PKD2L2: variants seen among roughly 807,000 people sequenced by gnomAD.
PKD2L2 encodes polycystin 2 like 2, transient receptor potential cation channel, also known as polycystin-2-like protein 2.
A neutral mutation model predicts 83.9 loss-of-function variants in PKD2L2; 67 were observed. The observed-to-expected ratio is 0.80, with a 90% CI of 0.66 to 0.98. The LOEUF (loss-of-function observed/expected upper bound fraction) is 0.98. Ranked by LOEUF, PKD2L2 falls within the 50% of genes least tolerant of loss-of-function variation. The pLI, the probability that PKD2L2 is intolerant of heterozygous loss-of-function variation, is 0.00. For missense variants in PKD2L2, 632 were observed against 717.2 expected (o/e 0.88, Z 1.36); for synonymous variants, 223 against 237.8 (o/e 0.94, Z 0.57).
intron 2 of PKD2L2, among the ~76,000 whole-genome samples, chr5:137,892,126 T>C (rs1237363867): frequency 6.6e-6 from 1 of 152,252 alleles, no homozygotes; most frequent in Non-Finnish European, 1.5e-5. Flanking sequence ...TCTGTCTGAA[T>C]TCAAAGTCCA....
chr5:137,894,300 A>G (rs1756251695), intron 3 of PKD2L2, 53 bp from the exon 4 acceptor site: 1 of 1,464,590 alleles, frequency 6.8e-7, no homozygotes, highest in Admixed American at 2.0e-5. Flanking sequence ...ATGAATGTAG[A>G]TTCTGTTGAC....
At chr5:137,940,509 C>A in intron 14 of PKD2L2, 1 of 567,400 alleles carries the variant, frequency 1.8e-6, no homozygotes, top group South Asian at 2.5e-5. Flanking sequence ...TACCCTCATC[C>A]CCAAGGAACA....
intron 14 of PKD2L2, chr5:137,940,229 A>T: frequency 1.2e-6 from 2 of 1,614,036 alleles, no homozygotes; most frequent in East Asian, 4.5e-5. Context: ...CGTATCTTAT[A>T]TGGATTTTGA....
intron 9 of PKD2L2, among the ~76,000 whole-genome samples, chr5:137,923,157 A>T (rs906729394): frequency 1.3e-5 from 2 of 151,966 alleles, no homozygotes; most frequent in African/African-American, 4.8e-5. Context: ...CTGGGACTAC[A>T]GGTGTGCACC....
chr5:137,924,073 T>C (rs1246985273), intron 10 of PKD2L2, among the ~76,000 whole-genome samples: 1 of 152,192 alleles, frequency 6.6e-6, no homozygotes, highest in Non-Finnish European at 1.5e-5. Context: ...TGGAATACTT[T>C]AAATTCTAAC....
rs1760387402 is a variant in PKD2L2 at position 137,936,320 on chromosome 5, A to G, written c.1785A>G (p.Glu595=). Residue 595 remains glutamate (E), a splice_region_variant and synonymous_variant, in exon 14 of 15, where the codon GAA becomes GAG. Coordinates refer to ENST00000508883, the MANE Select transcript of PKD2L2 (RefSeq NM_001300921.2). ...CTCTACTTCCTTCGAAATTTTCTAG[A>G]CTTTTTTTATATGCTGTGGAGCTGG... ...YQPVTQEEFR[E]LFLYAVELEK... 17 of 1,530,074 alleles carry G rather than the reference A, an allele frequency of 1.1e-5. No homozygotes were observed. The highest frequency in any genetic ancestry group is 1.4e-5 in the Non-Finnish European group (16 of 1,141,508). 94.8% of individuals were successfully genotyped at this position (1,530,074 alleles called of 1,614,324 possible). A position where few individuals can be genotyped will look rare whatever the true frequency, so the allele number is the denominator to read the frequency against.
chr5:137,938,173 G>T, intron 14 of PKD2L2: 1 of 152,632 alleles, frequency 6.6e-6, no homozygotes. Context: ...CATAAGTGCT[G>T]CCATGCCACT....
chr5:137,908,315 C>T (rs1473283698), intron 7 of PKD2L2, among the ~76,000 whole-genome samples: 2 of 151,646 alleles, frequency 1.3e-5, no homozygotes, highest in Admixed American at 6.6e-5. Flanking sequence ...TGGCCAGGCA[C>T]GGTGGCTCAC....
chr5:137,929,401 C>T (rs1359591293), intron 12 of PKD2L2, among the ~76,000 whole-genome samples: 9 of 150,506 alleles, frequency 6.0e-5, no homozygotes, highest in Non-Finnish European at 3.0e-5. Flanking sequence ...GCGGAGGTTG[C>T]GGTGAGCCGA....
At chr5:137,923,103 C>T (rs1316417580) in intron 9 of PKD2L2, among the ~76,000 whole-genome samples, 3 of 151,758 alleles carry the variant, frequency 2.0e-5, no homozygotes, top group African/African-American at 7.3e-5. Context: ...GCAACCTCCA[C>T]CTCCTGGGTT....
chr5:137,916,126 T>C (rs984633601), intron 8 of PKD2L2, among the ~76,000 whole-genome samples: 1 of 151,900 alleles, frequency 6.6e-6, no homozygotes, highest in African/African-American at 2.4e-5. Context: ...CACCTTGGCG[T>C]CCCAAAGTGC....
intron 4 of PKD2L2, among the ~76,000 whole-genome samples, chr5:137,898,453 CA>C (rs1756672796): frequency 6.6e-6 from 1 of 152,106 alleles, no homozygotes; most frequent in South Asian, 2.1e-4. Context: ...TTGTCCTACT[CA>C]AAAACTAAAT....
Position 137,942,425 on chromosome 5 carries a change from C to T in PKD2L2, c.*59C>T, listed in dbSNP as rs1460260412. The stretch of plus-strand genomic sequence containing the variant: ...TGTCGCCCAGGCTGGAACAGCGGTG[C>T]GACAGTGGCCTCAACATCCTCCAAA... On this transcript the variant is annotated 3_prime_UTR_variant, in exon 15 of 15. Coordinates refer to ENST00000508883, the MANE Select transcript of PKD2L2 (RefSeq NM_001300921.2). The T allele has an allele frequency of 1.4e-5, 3 of 222,088 alleles. No homozygotes were observed. The highest frequency in any genetic ancestry group is 1.1e-4 in the East Asian group (1 of 8,930). The allele number at this position is 222,088 out of a possible 1,614,324, so 13.8% of individuals were successfully genotyped here.
chr5:137,904,287 G>C (rs1757192067), intron 5 of PKD2L2, among the ~76,000 whole-genome samples: 1 of 152,170 alleles, frequency 6.6e-6, no homozygotes, highest in Admixed American at 6.5e-5. Flanking sequence ...TACCATGATT[G>C]GATCTGCCTG....
intron 8 of PKD2L2, among the ~76,000 whole-genome samples, chr5:137,911,739 G>A (rs1719474475): frequency 6.6e-6 from 1 of 152,072 alleles, no homozygotes; most frequent in Non-Finnish European, 1.5e-5. Context: ...ATGCTATACA[G>A]TAGATCTCCA....
At position 137,908,861 on chromosome 5, in the gene PKD2L2, T is replaced by A. The variant is rs1484496764; in HGVS notation, c.1243T>A (p.Phe415Ile). Residue 415 changes from phenylalanine (F) to isoleucine (I), a missense_variant, in exon 8 of 15, where the codon TTT becomes ATT. This residue lies in a region of PKD2L2 where 399 missense variants were observed against 416.9 expected (regional missense o/e 0.96). Transcript: ENST00000508883. ...CATAGTAGGATTTGCCATCATGTTT[T>A]TTATAATATTCTTTGCTTATGCCCA... ...KDIVGFAIMF[F>I]IIFFAYAQLG... 6.2e-7 allele frequency: 1 copy of A among 1,605,518 alleles called. No individual in the cohort carries two copies. Among genetic ancestry groups the A allele is most frequent in the Admixed American group, 1.7e-5 (1 of 59,954 alleles).
chr5:137,908,992 C>A, intron 8 of PKD2L2, 46 bp downstream of exon 8: 3 of 1,220,538 alleles, frequency 2.5e-6, no homozygotes, highest in Non-Finnish European at 3.5e-6. Flanking sequence ...TATTTTCTTA[C>A]AAAAAAAATT....
At chr5:137,895,472 TAAAAAAAAAAA>T (rs756004179) in intron 4 of PKD2L2, among the ~76,000 whole-genome samples, 1 of 65,856 alleles carries the variant, frequency 1.5e-5, no homozygotes. Flanking sequence ...ACCTTGTCCC[TAAAAAAAAAAA>T]AAAAAAAAAA....
intron 8 of PKD2L2, among the ~76,000 whole-genome samples, chr5:137,921,163 T>G (rs1372845198): frequency 6.6e-6 from 1 of 151,802 alleles, no homozygotes; most frequent in Non-Finnish European, 1.5e-5. Flanking sequence ...GAGTTTGAGA[T>G]CAGCCTGGCC....
Sources: allele counts gnomAD v4.1 joint callset (sites outside exome capture counted in the v4.1 genomes callset), GRCh38; gene constraint gnomAD v4.1.1; regional missense constraint gnomAD v4.1.1; transcripts MANE v1.5; gene names NCBI Gene and HGNC (gene_info 2026-07-23, HGNC 2026-07-21).